Variants in TBC1D22A observed in about 807,000 individuals in gnomAD.
TBC1D22A encodes the protein TBC1 domain family member 22A.
In TBC1D22A, 38 loss-of-function variants were observed where a neutral mutation model predicts 60.2. That is an observed-to-expected ratio of 0.63 (90% confidence interval 0.49 to 0.83). TBC1D22A has a LOEUF of 0.83. TBC1D22A is among the 40% of genes least tolerant of loss of function. TBC1D22A has a pLI of 0.00. For synonymous variants in TBC1D22A, 302 were observed against 281.7 expected (o/e 1.07, Z -0.72); for missense variants, 628 against 701.0 (o/e 0.90, Z 1.18).
In TBC1D22A at chr22:46,793,513, C is replaced by T. The variant is rs377332719; in HGVS notation, c.132C>T (p.Ser44=). Residue 44 remains serine (S), a synonymous_variant, in exon 3 of 13, where the codon TCC becomes TCT. Coordinates refer to ENST00000337137, the MANE Select transcript of TBC1D22A (RefSeq NM_014346.5). ...CTTTGCATTGCAGTTTGCTCAGGTC[C>T]ACGGCCAAGATGCCGACCACACCAG... is the stretch of plus-strand genomic sequence containing the variant. The part of the protein sequence containing the change: ...DPLLHGTLLR[S]TAKMPTTPVK... 368 of 1,614,180 alleles carry T rather than the reference C, an allele frequency of 2.3e-4. 1 individual carries two copies. Among genetic ancestry groups the T allele is most frequent in the Non-Finnish European group, 2.9e-4 (348 of 1,180,050 alleles).
intron 5 of TBC1D22A, among the ~76,000 whole-genome samples, chr22:46,890,045 G>A (rs1192417124): frequency 1.3e-5 from 2 of 152,048 alleles, no homozygotes; most frequent in South Asian, 2.1e-4. Flanking sequence ...ACTGTGCTTC[G>A]AAAATATTTG....
chr22:47,086,946 A>G (rs1223583074), intron 11 of TBC1D22A, among the ~76,000 whole-genome samples: 1 of 152,234 alleles, frequency 6.6e-6, no homozygotes, highest in Non-Finnish European at 1.5e-5. Context: ...ATAGATATCC[A>G]TCAATGTGAA....
intron 12 of TBC1D22A, among the ~76,000 whole-genome samples, chr22:47,134,783 G>T (rs2147125234): frequency 6.6e-6 from 1 of 152,308 alleles, no homozygotes; most frequent in South Asian, 2.1e-4. Flanking sequence ...TCATGTCCTG[G>T]GTTTCTGATG....
chr22:46,967,960 C>T (rs966926128), intron 8 of TBC1D22A, among the ~76,000 whole-genome samples: 3 of 152,036 alleles, frequency 2.0e-5, no homozygotes, highest in Admixed American at 6.6e-5. Context: ...TTACAAGCTA[C>T]GATTCCAGTC....
At chr22:47,084,592 AT>A (rs1427810945) in intron 11 of TBC1D22A, among the ~76,000 whole-genome samples, 1 of 152,214 alleles carries the variant, frequency 6.6e-6, no homozygotes, top group Non-Finnish European at 1.5e-5. Context: ...TGCAGTCCTG[AT>A]TTTTAATAGC....
At chr22:47,053,975 A>G (rs1265468358) in intron 11 of TBC1D22A, among the ~76,000 whole-genome samples, 1 of 152,210 alleles carries the variant, frequency 6.6e-6, no homozygotes, top group East Asian at 1.9e-4. Context: ...ACAGAGGAGG[A>G]AACAGGCTGA....
At chr22:46,793,471 G>A (rs956876772) in intron 2 of TBC1D22A, 30 bp from the exon 3 acceptor site, 2 of 1,611,022 alleles carry the variant, frequency 1.2e-6, no homozygotes, top group Non-Finnish European at 1.7e-6. Flanking sequence ...CTTCGAGCAT[G>A]TACGAGTAAA....
chr22:47,164,807 C>T (rs2068133599), intron 12 of TBC1D22A, among the ~76,000 whole-genome samples: 1 of 152,236 alleles, frequency 6.6e-6, no homozygotes, highest in Non-Finnish European at 1.5e-5. Context: ...ATTCCTTCCT[C>T]TGCACATGTA....
chr22:46,907,066 CATGTGTGCTCTTCTGTGT>C (rs950318792), intron 7 of TBC1D22A, among the ~76,000 whole-genome samples: 2 of 141,346 alleles, frequency 1.4e-5, no homozygotes, highest in African/African-American at 5.5e-5. Context: ...CTCTTCTCCA[CATGTGTGCTCTTCTGTGT>C]GTGTGTGCTC....
chr22:47,146,015 G>T (rs995641591), intron 12 of TBC1D22A, among the ~76,000 whole-genome samples: 1 of 151,890 alleles, frequency 6.6e-6, no homozygotes, highest in Non-Finnish European at 1.5e-5. Context: ...TAAAGCAGGG[G>T]TTGACCAGGA....
intron 9 of TBC1D22A, among the ~76,000 whole-genome samples, chr22:46,987,281 G>T (rs1326060128): frequency 6.6e-6 from 1 of 152,172 alleles, no homozygotes; most frequent in African/African-American, 2.4e-5. Context: ...TCCTGAAAGA[G>T]CATGTGGGAC....
At chr22:47,095,075 C>A (rs1047369249) in intron 11 of TBC1D22A, among the ~76,000 whole-genome samples, 1 of 152,208 alleles carries the variant, frequency 6.6e-6, no homozygotes, top group African/African-American at 2.4e-5. Flanking sequence ...TTACTACAGC[C>A]CATGCCGTAA....
At chr22:46,835,620 A>G (rs1313147761) in intron 4 of TBC1D22A, among the ~76,000 whole-genome samples, 1 of 152,216 alleles carries the variant, frequency 6.6e-6, no homozygotes, top group African/African-American at 2.4e-5. Context: ...CCATATACGC[A>G]TTATGTGAAT....
At chr22:46,803,895 C>CG (rs2085013808) in intron 4 of TBC1D22A, among the ~76,000 whole-genome samples, 1 of 152,222 alleles carries the variant, frequency 6.6e-6, no homozygotes, top group South Asian at 2.1e-4. Context: ...GCTCTGTCCT[C>CG]AAGTCCCCTG....
intron 4 of TBC1D22A, among the ~76,000 whole-genome samples, chr22:46,863,482 A>G (rs1263518420): frequency 6.6e-6 from 1 of 152,188 alleles, no homozygotes; most frequent in African/African-American, 2.4e-5. Context: ...GCTCTCTTTG[A>G]TGCCATTTCT....
chr22:46,795,314 C>G, intron 3 of TBC1D22A, among the ~76,000 whole-genome samples: 1 of 152,230 alleles, frequency 6.6e-6, no homozygotes, highest in East Asian at 1.9e-4. Context: ...GTGAGCCTCT[C>G]AGCACCGTGC....
chr22:46,788,097 C>T (rs561913818), intron 1 of TBC1D22A, among the ~76,000 whole-genome samples: 96 of 152,072 alleles, frequency 6.3e-4, no homozygotes, highest in African/African-American at 2.2e-3. Context: ...CCACCACGAC[C>T]GGGTAATTTT....
intron 12 of TBC1D22A, among the ~76,000 whole-genome samples, chr22:47,124,636 C>G (rs548456454): frequency 2.0e-5 from 3 of 152,312 alleles, no homozygotes; most frequent in Non-Finnish European, 4.4e-5. Context: ...CCACAGGTGG[C>G]ACCGAGGGGC....
chr22:46,907,253 G>A (rs1428942682), intron 7 of TBC1D22A, among the ~76,000 whole-genome samples: 2 of 152,148 alleles, frequency 1.3e-5, no homozygotes, highest in Non-Finnish European at 2.9e-5. Context: ...TCACCTCTCT[G>A]CAGTCTCCCT....
Sources: allele counts gnomAD v4.1 joint callset (sites outside exome capture counted in the v4.1 genomes callset), GRCh38; gene constraint gnomAD v4.1.1; transcripts MANE v1.5; gene names NCBI Gene and HGNC (gene_info 2026-07-23, HGNC 2026-07-21).